Variants in MEMO1 observed in about 807,000 individuals in gnomAD.
MEMO1 encodes protein MEMO1.
In MEMO1, 6 loss-of-function variants were observed where a neutral mutation model predicts 45.2. That is an observed-to-expected ratio of 0.13 (90% CI 0.07 to 0.26). The LOEUF (loss-of-function observed/expected upper bound fraction) is 0.26. Among genes scored for constraint, MEMO1 ranks in the 10% least tolerant of loss-of-function variants. The pLI is 1.00. For synonymous variants in MEMO1, 78 were observed against 124.3 expected, an observed-to-expected ratio of 0.63 and a Z score of 2.48; for missense variants, 184 against 370.5, an observed-to-expected ratio of 0.50 and a Z score of 4.13.
intron 4 of MEMO1, among the ~76,000 whole-genome samples, chr2:31,924,932 G>A (rs759889023): frequency 2.0e-5 from 3 of 152,148 alleles, no homozygotes; most frequent in Non-Finnish European, 4.4e-5. Flanking sequence ...TGGAAACATA[G>A]ATCATATCAC....
At chr2:31,878,721 CTTTA>C (rs1222651811) in intron 8 of MEMO1, among the ~76,000 whole-genome samples, 1 of 151,922 alleles carries the variant, frequency 6.6e-6, no homozygotes, top group Admixed American at 6.5e-5. Context: ...TCCAGGAAGA[CTTTA>C]TTTACTTTGA....
intron 4 of MEMO1, among the ~76,000 whole-genome samples, chr2:31,922,251 A>C (rs1429266030): frequency 6.6e-6 from 1 of 152,112 alleles, no homozygotes; most frequent in East Asian, 1.9e-4. Context: ...AAATTCTATT[A>C]CAGCTAAGAA....
At chr2:31,895,876 G>GCT (rs1437906673) in intron 6 of MEMO1, among the ~76,000 whole-genome samples, 1 of 122,122 alleles carries the variant, frequency 8.2e-6, no homozygotes, top group Non-Finnish European at 1.6e-5. Context: ...ACGGAGTCTC[G>GCT]CTGTCGCCCA....
In MEMO1 at chr2:31,923,749, C is replaced by G. The variant is rs1300851586; in HGVS notation, c.213-2839G>C. On this transcript the variant is annotated intron_variant, in intron 4 of 9. Coordinates refer to ENST00000404530, the MANE Select transcript of MEMO1 (RefSeq NM_001301833.4). Reference sequence around the variant, plus strand: ...TCCTGGAAAATCTGAAACACACAGTCAAAATATGAAGTGATTTTTAAAATA... The same window carrying G: ...TCCTGGAAAATCTGAAACACACAGTGAAAATATGAAGTGATTTTTAAAATA... 4 of 1,528,414 alleles carry G rather than the reference C, an allele frequency of 2.6e-6. No homozygotes were observed. The Middle Eastern group carries it at 5.1e-4, about 194-fold the overall frequency. The allele number at this position is 1,528,414 out of a possible 1,614,324, so 94.7% of individuals were successfully genotyped here. A position where few individuals can be genotyped will look rare whatever the true frequency, so the allele number is the denominator to read the frequency against.
intron 2 of MEMO1, among the ~76,000 whole-genome samples, chr2:31,965,187 T>C (rs1668461924): frequency 6.7e-6 from 1 of 148,862 alleles, no homozygotes; most frequent in African/African-American, 2.5e-5. Flanking sequence ...CACTCCAGCC[T>C]GGGCAACAAG....
intron 2 of MEMO1, among the ~76,000 whole-genome samples, chr2:31,973,178 G>A (rs1193238214): frequency 6.6e-6 from 1 of 152,162 alleles, no homozygotes; most frequent in African/African-American, 2.4e-5. Flanking sequence ...AACAGGCTGG[G>A]CACAGTGGCT....
intron 6 of MEMO1, among the ~76,000 whole-genome samples, chr2:31,911,454 C>T (rs762875020): frequency 6.6e-6 from 1 of 152,124 alleles, no homozygotes; most frequent in Non-Finnish European, 1.5e-5. Flanking sequence ...ACAACAGAGA[C>T]ATAATAGGCA....
chr2:31,901,908 CA>C (rs879646166), intron 6 of MEMO1, among the ~76,000 whole-genome samples: 179 of 129,864 alleles, frequency 1.4e-3, no homozygotes, highest in Admixed American at 1.4e-3. Context: ...GACTTCATCT[CA>C]AAAAAAAAAA....
chr2:31,906,797 G>GTA (rs1302580913), intron 6 of MEMO1, among the ~76,000 whole-genome samples: 2 of 152,072 alleles, frequency 1.3e-5, no homozygotes, highest in Non-Finnish European at 2.9e-5. Context: ...CTCTTATACT[G>GTA]TATCTCTATA....
intron 6 of MEMO1, among the ~76,000 whole-genome samples, chr2:31,902,414 A>C (rs1471783643): frequency 6.6e-6 from 1 of 152,154 alleles, no homozygotes; most frequent in Non-Finnish European, 1.5e-5. Context: ...AAAAAAGTTA[A>C]ATCATTGAAC....
intron 2 of MEMO1, among the ~76,000 whole-genome samples, chr2:31,994,842 G>A (rs1323900007): frequency 1.3e-5 from 2 of 152,008 alleles, no homozygotes; most frequent in African/African-American, 4.8e-5. Context: ...CAGCTACTCA[G>A]AAGGCTGAGG....
At chr2:31,959,493 T>A (rs1259769193) in intron 2 of MEMO1, among the ~76,000 whole-genome samples, 1 of 147,502 alleles carries the variant, frequency 6.8e-6, no homozygotes, top group African/African-American at 2.5e-5. Context: ...ATAAGCACAA[T>A]GAGAACTGAA....
At chr2:31,882,528 A>G (rs1170704432) in intron 8 of MEMO1, among the ~76,000 whole-genome samples, 1 of 152,190 alleles carries the variant, frequency 6.6e-6, no homozygotes, top group South Asian at 2.1e-4. Context: ...GGAAAAAAAA[A>G]GTAGTTCCAA....
chr2:31,933,336 A>AT (rs1558514075), intron 3 of MEMO1, among the ~76,000 whole-genome samples: 1 of 57,460 alleles, frequency 1.7e-5, no homozygotes, highest in African/African-American at 7.9e-5. Flanking sequence ...AAAAAAAAAA[A>AT]AAAAAAAAAA....
intron 4 of MEMO1, among the ~76,000 whole-genome samples, chr2:31,924,895 C>T (rs1481361936): frequency 6.6e-6 from 1 of 152,156 alleles, no homozygotes; most frequent in Non-Finnish European, 1.5e-5. Context: ...CATTGTTAAA[C>T]TTCCTTAAAC....
intron 2 of MEMO1, among the ~76,000 whole-genome samples, chr2:31,997,575 T>G (rs1333768983): frequency 6.6e-6 from 1 of 152,156 alleles, no homozygotes; most frequent in East Asian, 1.9e-4. Context: ...TCCTTGACCA[T>G]CAGTCAGAAT....
At chr2:31,915,570 AAAG>A (rs35106636) in intron 6 of MEMO1, among the ~76,000 whole-genome samples, 18,241 of 151,978 alleles carry the variant, frequency 0.12, 1,177 homozygotes, top group Middle Eastern at 0.2. Flanking sequence ...GGGGAAAAAA[AAAG>A]AAGAAGAAGT....
intron 2 of MEMO1, among the ~76,000 whole-genome samples, chr2:32,009,612 G>A (rs1401434729): frequency 6.6e-6 from 1 of 152,246 alleles, no homozygotes; most frequent in Non-Finnish European, 1.5e-5. Flanking sequence ...CTCTCCGGCT[G>A]CGGGCGCGGG....
intron 7 of MEMO1, among the ~76,000 whole-genome samples, chr2:31,887,959 C>A (rs1262780200): frequency 6.6e-6 from 1 of 151,946 alleles, no homozygotes; most frequent in East Asian, 1.9e-4. Flanking sequence ...TAGGGGAATG[C>A]CACTTTTAAT....
Sources: allele counts gnomAD v4.1 joint callset (sites outside exome capture counted in the v4.1 genomes callset), GRCh38; gene constraint gnomAD v4.1.1; transcripts MANE v1.5; gene names NCBI Gene and HGNC (gene_info 2026-07-23, HGNC 2026-07-21).